Variants in KCND2 observed in about 807,000 individuals in gnomAD.
The protein encoded by KCND2 is A-type voltage-gated potassium channel KCND2.
Under a neutral mutation model 54.4 loss-of-function variants are expected in KCND2, and 16 were observed. The observed-to-expected ratio is 0.29, with a 90% CI of 0.20 to 0.45. KCND2 has a LOEUF of 0.45. Ranked by LOEUF, KCND2 falls within the 20% of genes least tolerant of loss-of-function variation. The probability of loss-of-function intolerance (pLI) is 1.00; values close to 1 mark genes in which losing one functional copy is unlikely to be tolerated. For synonymous variants in KCND2, 317 were observed against 310.7 expected (o/e 1.02, Z -0.21); for missense variants, 486 against 824.2 (o/e 0.59, Z 5.02).
chr7:120,327,385 T>A (rs1253489868), intron 1 of KCND2, among the ~76,000 whole-genome samples: 2 of 152,112 alleles, frequency 1.3e-5, no homozygotes, highest in South Asian at 4.1e-4. Flanking sequence ...TGTTTTTATC[T>A]CCACATTTAT....
chr7:120,391,224 A>G (rs184803139), intron 1 of KCND2, among the ~76,000 whole-genome samples: 6 of 152,202 alleles, frequency 3.9e-5, no homozygotes, highest in South Asian at 2.1e-4. Context: ...AGCTTCTTCC[A>G]TGTCCGTGCA....
chr7:120,363,419 T>A (rs185007468), intron 1 of KCND2, among the ~76,000 whole-genome samples: 110 of 152,244 alleles, frequency 7.2e-4, no homozygotes, highest in African/African-American at 7.0e-4. Context: ...TATTAGGGAA[T>A]AGAAACCCTA....
At chr7:120,429,117 G>A (rs865858566) in intron 1 of KCND2, among the ~76,000 whole-genome samples, 36 of 152,238 alleles carry the variant, frequency 2.4e-4, no homozygotes, top group Admixed American at 4.6e-4. Flanking sequence ...CCAAACTCAC[G>A]GTGTGGTACA....
At chr7:120,737,387 T>C (rs1792889047) in intron 2 of KCND2, among the ~76,000 whole-genome samples, 1 of 152,002 alleles carries the variant, frequency 6.6e-6, no homozygotes, top group Non-Finnish European at 1.5e-5. Context: ...CACCTAAGAA[T>C]TTGGTCTTGG....
chr7:120,423,675 G>T (rs1185054410), intron 1 of KCND2, among the ~76,000 whole-genome samples: 3 of 152,170 alleles, frequency 2.0e-5, no homozygotes, highest in African/African-American at 7.2e-5. Context: ...TCCTTGACAG[G>T]CAGGAATTAT....
At chr7:120,575,538 A>T (rs1792420775) in intron 1 of KCND2, among the ~76,000 whole-genome samples, 1 of 152,100 alleles carries the variant, frequency 6.6e-6, no homozygotes, top group Admixed American at 6.6e-5. Flanking sequence ...TTCCTTTGGG[A>T]ACACCCTCCC....
At chr7:120,516,345 T>C (rs1803196060) in intron 1 of KCND2, among the ~76,000 whole-genome samples, 1 of 152,154 alleles carries the variant, frequency 6.6e-6, no homozygotes, top group African/African-American at 2.4e-5. Flanking sequence ...TCTTTTATTA[T>C]CTGTCCATAT....
At chr7:120,450,123 C>T (rs1288906227) in intron 1 of KCND2, among the ~76,000 whole-genome samples, 1 of 152,166 alleles carries the variant, frequency 6.6e-6, no homozygotes, top group African/African-American at 2.4e-5. Flanking sequence ...TAAAAATTTA[C>T]TGGTTTTCAC....
chr7:120,384,998 C>CTTTTTTTTTTTTTTTTTTT, intron 1 of KCND2, among the ~76,000 whole-genome samples: 1 of 82,512 alleles, frequency 1.2e-5, no homozygotes, highest in Non-Finnish European at 2.1e-5. Context: ...TTGTATATAA[C>CTTTTTTTTTTTTTTTTTTT]TTTTTTTTTT....
chr7:120,395,701 A>T (rs964295847), intron 1 of KCND2, among the ~76,000 whole-genome samples: 1 of 152,052 alleles, frequency 6.6e-6, no homozygotes, highest in East Asian at 1.9e-4. Flanking sequence ...GGGAGTTTCC[A>T]GAATCATATA....
At chr7:120,347,805 G>C (rs1236434190) in intron 1 of KCND2, among the ~76,000 whole-genome samples, 1 of 151,696 alleles carries the variant, frequency 6.6e-6, no homozygotes, top group Non-Finnish European at 1.5e-5. Flanking sequence ...ATTGTAGTCT[G>C]TTCAGGCTAC....
In KCND2 at chr7:120,297,086, G is replaced by A. The variant is rs143490824; in HGVS notation, c.1115+21339G>A. On this transcript the variant is annotated intron_variant, in intron 1 of 5. Coordinates refer to ENST00000331113, the MANE Select transcript of KCND2 (RefSeq NM_012281.3). Reference sequence around the variant, plus strand: ...TTTTGTTACACGGATATATTGGGTAGCAATGAAATCTGGGCACTTATATGT... The same window carrying A: ...TTTTGTTACACGGATATATTGGGTAACAATGAAATCTGGGCACTTATATGT... 4.7e-4 allele frequency among the ~76,000 whole-genome samples: 71 copies of A among 152,018 alleles called. 1 individual carries two copies. The highest frequency in any genetic ancestry group is 1.6e-3 in the African/African-American group (67 of 41,494).
chr7:120,720,620 G>A (rs1353136234), intron 1 of KCND2, among the ~76,000 whole-genome samples: 1 of 152,118 alleles, frequency 6.6e-6, no homozygotes, highest in Non-Finnish European at 1.5e-5. Flanking sequence ...ATCTTGTAAG[G>A]CAGTTGCTCA....
intron 1 of KCND2, among the ~76,000 whole-genome samples, chr7:120,566,736 T>A (rs1457777765): frequency 8.1e-6 from 1 of 123,768 alleles, no homozygotes; most frequent in Non-Finnish European, 1.7e-5. Context: ...AATACAGATA[T>A]GTAATATATA....
At chr7:120,288,746 T>A (rs1227615941) in intron 1 of KCND2, among the ~76,000 whole-genome samples, 1 of 152,098 alleles carries the variant, frequency 6.6e-6, no homozygotes, top group Non-Finnish European at 1.5e-5. Context: ...TTACAGGATT[T>A]TTGAACATCA....
rs143283532 is a variant in KCND2 at position 120,393,861 on chromosome 7, A to G, written c.1115+118114A>G. Among the ~76,000 whole-genome samples the G allele has an allele frequency of 2.0e-5, 3 of 152,128 alleles. No homozygotes were observed. The East Asian group carries it at 5.8e-4, about 29-fold the overall frequency. ...TAGCAATCCAATGACAAAATTCTCT[A>G]ACCACCATAGGCTTAAAAATGATGA... On this transcript the variant is annotated intron_variant, in intron 1 of 5. Coordinates refer to ENST00000331113, the MANE Select transcript of KCND2 (RefSeq NM_012281.3).
chr7:120,595,565 GTGTGTGTATATATA>G (rs1792732833), intron 1 of KCND2, among the ~76,000 whole-genome samples: 1 of 121,686 alleles, frequency 8.2e-6, no homozygotes, highest in African/African-American at 3.0e-5. Context: ...GTATATATAT[GTGTGTGTATATATA>G]TGTGTGTGTG....
chr7:120,381,981 T>C (rs182727622), intron 1 of KCND2, among the ~76,000 whole-genome samples: 29 of 152,086 alleles, frequency 1.9e-4, no homozygotes, highest in African/African-American at 6.3e-4. Context: ...AAGAGCATAG[T>C]TGGTAGTTTC....
chr7:120,502,915 A>C (rs1410576386), intron 1 of KCND2, among the ~76,000 whole-genome samples: 1 of 152,056 alleles, frequency 6.6e-6, no homozygotes, highest in Non-Finnish European at 1.5e-5. Flanking sequence ...TCTGTCCAGG[A>C]AATAATCTCT....
Sources: gnomAD v4.1 joint callset for allele counts (sites outside exome capture counted in the v4.1 genomes callset) on GRCh38, gnomAD v4.1.1 for gene constraint, MANE v1.5 for transcripts, NCBI Gene and HGNC (gene_info 2026-07-23, HGNC 2026-07-21) for gene names.